VPS13B: variants seen among roughly 807,000 people sequenced by gnomAD.
The protein encoded by VPS13B is intermembrane lipid transfer protein VPS13B.
A neutral mutation model predicts 426.4 loss-of-function variants in VPS13B; 285 were observed. The observed-to-expected ratio is 0.67, with a 90% CI of 0.61 to 0.74. The LOEUF (loss-of-function observed/expected upper bound fraction) is 0.74. Among genes scored for constraint, VPS13B ranks in the 30% least tolerant of loss-of-function variants. The pLI is 0.00. For missense variants in VPS13B, 4,537 were observed against 4,782.6 expected (o/e 0.95, Z 1.51); for synonymous variants, 1,676 against 1,676.4 (o/e 1.00, Z 0.01).
At chr8:99,374,860 A>G (rs1377899689) in intron 19 of VPS13B, among the ~76,000 whole-genome samples, 2 of 152,208 alleles carry the variant, frequency 1.3e-5, no homozygotes, top group East Asian at 3.8e-4. Flanking sequence ...ATACACCTTC[A>G]GAATTCCACA....
chr8:99,370,385 T>C (rs1174830594), intron 19 of VPS13B, among the ~76,000 whole-genome samples: 4 of 152,078 alleles, frequency 2.6e-5, no homozygotes, highest in Non-Finnish European at 5.9e-5. Context: ...GAATTTGATA[T>C]ATTGAAGGGT....
Position 99,778,668 on chromosome 8 carries a change from T to C in VPS13B, c.7430-14T>C, listed in dbSNP as rs764112722. ...CATCTTAATTGCTGTTTTCCTTGTT[T>C]GTTTTCTCAACAGCTGCACCACAGT... On this transcript the variant is annotated splice_polypyrimidine_tract_variant and intron_variant, in intron 41 of 61. Transcript: ENST00000357162. The C allele has an allele frequency of 1.2e-6, 2 of 1,611,542 alleles. No individual in the cohort carries two copies. The highest frequency in any genetic ancestry group is 1.7e-6 in the Non-Finnish European group (2 of 1,177,784).
chr8:99,067,853 C>T (rs1844621644), intron 3 of VPS13B, among the ~76,000 whole-genome samples: 1 of 152,002 alleles, frequency 6.6e-6, no homozygotes, highest in Admixed American at 6.6e-5. Context: ...GCATTCTTTT[C>T]TTCTTATACA....
chr8:99,680,350 A>G (rs2129970651), intron 35 of VPS13B, among the ~76,000 whole-genome samples: 1 of 152,342 alleles, frequency 6.6e-6, no homozygotes, highest in Middle Eastern at 3.4e-3. Context: ...AACTTATGGG[A>G]ATCACCTCTG....
At chr8:99,300,438 A>C (rs1820299123) in intron 19 of VPS13B, among the ~76,000 whole-genome samples, 1 of 152,242 alleles carries the variant, frequency 6.6e-6, no homozygotes, top group East Asian at 1.9e-4. Flanking sequence ...ATGCAATTGC[A>C]ACATGGTAAC....
At chr8:99,067,049 T>C (rs897703901) in intron 3 of VPS13B, among the ~76,000 whole-genome samples, 1 of 151,888 alleles carries the variant, frequency 6.6e-6, no homozygotes, top group Non-Finnish European at 1.5e-5. Context: ...TTGGTGGGAG[T>C]GTAAATTAGT....
At chr8:99,407,674 A>AT (rs1385240284) in intron 21 of VPS13B, among the ~76,000 whole-genome samples, 5 of 146,684 alleles carry the variant, frequency 3.4e-5, no homozygotes, top group Admixed American at 6.9e-5. Flanking sequence ...TTATTTTTTT[A>AT]TTTTTTTATT....
chr8:99,794,873 C>A (rs1476764565), intron 43 of VPS13B, among the ~76,000 whole-genome samples: 2 of 152,160 alleles, frequency 1.3e-5, no homozygotes, highest in African/African-American at 4.8e-5. Context: ...CCTTAAGAGT[C>A]TTAGAACTCC....
chr8:99,683,432 G>A (rs78907119), intron 35 of VPS13B, among the ~76,000 whole-genome samples: 5,601 of 152,182 alleles, frequency 0.037, 158 homozygotes, highest in Non-Finnish European at 0.051. Context: ...AGATCTGGGA[G>A]AAACTGATAT....
chr8:99,792,359 G>A lies in VPS13B; in HGVS notation c.7941+7883G>A, dbSNP rs774531500. Among the ~76,000 whole-genome samples, 6 of 152,174 alleles carry A rather than the reference G, an allele frequency of 3.9e-5. No individual in the cohort carries two copies. In the East Asian group the frequency reaches 7.7e-4, roughly 20 times the overall value. On this transcript the variant is annotated intron_variant, in intron 43 of 61. Transcript: ENST00000357162. ...AGATGACCCAGATGTTGGCATTATC[G>A]GACATGTACTCTAAAGTGTCTGTGT...
At chr8:99,037,788 T>C (rs1842812314) in intron 2 of VPS13B, among the ~76,000 whole-genome samples, 1 of 152,022 alleles carries the variant, frequency 6.6e-6, no homozygotes, top group South Asian at 2.1e-4. Flanking sequence ...ATTTAAAATT[T>C]ATGACCAAGT....
intron 29 of VPS13B, among the ~76,000 whole-genome samples, chr8:99,514,557 A>T (rs1433704083): frequency 1.3e-5 from 2 of 152,194 alleles, no homozygotes; most frequent in African/African-American, 4.8e-5. Flanking sequence ...TGTCTGTCTT[A>T]CTTTACTTAG....
At chr8:99,306,472 A>G (rs547917162) in intron 19 of VPS13B, among the ~76,000 whole-genome samples, 1 of 152,152 alleles carries the variant, frequency 6.6e-6, no homozygotes, top group African/African-American at 2.4e-5. Flanking sequence ...ACGTAGTGGA[A>G]CATCTTGGTC....
intron 25 of VPS13B, among the ~76,000 whole-genome samples, chr8:99,488,410 G>A (rs1476359141): frequency 6.6e-6 from 1 of 151,684 alleles, no homozygotes; most frequent in African/African-American, 2.4e-5. Flanking sequence ...TTTCCTCCTG[G>A]GGAAAACTAG....
In VPS13B at chr8:99,574,047, T is replaced by A. The variant is rs151002731; in HGVS notation, c.4950-1611T>A. ...TGTAAGTTGTATTCCTAGGTATTTTTTTCTCTTTGAAGCAATTGTGAATGG... is the reference window on the plus strand; with the variant it reads ...TGTAAGTTGTATTCCTAGGTATTTTATTCTCTTTGAAGCAATTGTGAATGG... On this transcript the variant is annotated intron_variant, in intron 31 of 61. Coordinates refer to ENST00000357162, the MANE Select transcript of VPS13B (RefSeq NM_152564.5). Among the ~76,000 whole-genome samples, 1,446 of 152,212 alleles carry A rather than the reference T, an allele frequency of 9.5e-3. 14 individuals carry two copies. Among genetic ancestry groups the A allele is most frequent in the Non-Finnish European group, 0.014 (964 of 68,008 alleles).
chr8:99,854,265 A>G lies in VPS13B; in HGVS notation c.10867+9A>G. ...GGCCCTTTTTAGAGCAGGTAAGAACACAAGCTGAGGGTCTGTGATGAGCTA... is the reference window on the plus strand; with the variant it reads ...GGCCCTTTTTAGAGCAGGTAAGAACGCAAGCTGAGGGTCTGTGATGAGCTA... On this transcript the variant is annotated intron_variant, in intron 56 of 61. Coordinates refer to ENST00000357162, the MANE Select transcript of VPS13B (RefSeq NM_152564.5). 6.2e-7 allele frequency: 1 copy of G among 1,612,382 alleles called. No homozygotes were observed. The highest frequency in any genetic ancestry group is 8.5e-7 in the Non-Finnish European group (1 of 1,179,568).
chr8:99,816,234 C>G (rs901711418), intron 44 of VPS13B, among the ~76,000 whole-genome samples: 9 of 152,082 alleles, frequency 5.9e-5, no homozygotes, highest in Admixed American at 1.3e-4. Context: ...TCCTGAGTAG[C>G]TGGGATTACA....
At position 99,281,585 on chromosome 8, in the gene VPS13B, C is replaced by A. The variant is rs936809831; in HGVS notation, c.2824+6331C>A. Among the ~76,000 whole-genome samples the A allele has an allele frequency of 2.6e-5, 4 of 152,314 alleles. No homozygotes were observed. In the East Asian group the frequency reaches 5.8e-4, roughly 22 times the overall value. ...ATCTGAACAAACGTGCACATCATCA[C>A]CTCTGTGAGACTTGTGGGCAAAGGG... is the stretch of plus-strand genomic sequence containing the variant. On this transcript the variant is annotated intron_variant, in intron 19 of 61. Coordinates refer to ENST00000357162, the MANE Select transcript of VPS13B (RefSeq NM_152564.5).
chr8:99,752,349 T>G (rs1810438015), intron 39 of VPS13B, among the ~76,000 whole-genome samples: 1 of 152,334 alleles, frequency 6.6e-6, no homozygotes. Context: ...TTTCATCTAA[T>G]CAAGGGATCA....
Sources: allele counts gnomAD v4.1 joint callset (sites outside exome capture counted in the v4.1 genomes callset), GRCh38; gene constraint gnomAD v4.1.1; transcripts MANE v1.5; gene names NCBI Gene and HGNC (gene_info 2026-07-23, HGNC 2026-07-21).